The following DGKD variants were observed in gnomAD, a reference collection of about 807,000 sequenced individuals.
DGKD encodes the protein DAG kinase delta.
A neutral mutation model predicts 154.4 loss-of-function variants in DGKD; 68 were observed. That is an observed-to-expected ratio of 0.44 (90% CI 0.36 to 0.54). DGKD has a LOEUF of 0.54. Among genes scored for constraint, DGKD ranks in the 20% least tolerant of loss-of-function variants. The probability of loss-of-function intolerance (pLI) is 0.00; values close to 1 mark genes in which losing one functional copy is unlikely to be tolerated. For synonymous variants in DGKD, 693 were observed against 638.0 expected (o/e 1.09, Z -1.30); for missense variants, 1,343 against 1,593.6 (o/e 0.84, Z 2.68).
chr2:233,378,929 G>C (rs1702735040), intron 1 of DGKD, among the ~76,000 whole-genome samples: 1 of 152,222 alleles, frequency 6.6e-6, no homozygotes, highest in African/African-American at 2.4e-5. Flanking sequence ...TACTTGGGAG[G>C]CTGAGATGGG....
At chr2:233,359,458 C>T (rs1013006437) in intron 1 of DGKD, among the ~76,000 whole-genome samples, 2 of 150,924 alleles carry the variant, frequency 1.3e-5, no homozygotes, top group African/African-American at 4.9e-5. Flanking sequence ...TAAATGATCA[C>T]TAAATGGTTG....
At chr2:233,447,494 A>G in intron 12 of DGKD, 2 of 985,220 alleles carry the variant, frequency 2.0e-6, no homozygotes, top group East Asian at 1.1e-4. Flanking sequence ...ACTGGTTTGT[A>G]CATTTTTTAT....
At chr2:233,437,611 G>A in intron 8 of DGKD, 132 bp downstream of exon 8, 2 of 888,166 alleles carry the variant, frequency 2.3e-6, no homozygotes, top group South Asian at 1.6e-5. Flanking sequence ...AGCTGTTGGG[G>A]GTGCTGGAGG....
chr2:233,394,415 A>G (rs1054398526), intron 3 of DGKD, among the ~76,000 whole-genome samples: 3 of 151,620 alleles, frequency 2.0e-5, no homozygotes, highest in African/African-American at 7.3e-5. Context: ...GCTAATTTTT[A>G]CATTTTTTTG....
At chr2:233,356,406 C>G (rs1431673170) in intron 1 of DGKD, among the ~76,000 whole-genome samples, 3 of 152,066 alleles carry the variant, frequency 2.0e-5, no homozygotes, top group Admixed American at 2.0e-4. Flanking sequence ...ATCAGATGTG[C>G]TTTTGGGAAG....
chr2:233,425,838 G>T (rs1490412412), intron 3 of DGKD, among the ~76,000 whole-genome samples: 1 of 152,184 alleles, frequency 6.6e-6, no homozygotes, highest in Non-Finnish European at 1.5e-5. Flanking sequence ...TGTCTTTATA[G>T]TGAATGCCGC....
chr2:233,362,222 A>T (rs936608264), intron 1 of DGKD, among the ~76,000 whole-genome samples: 3 of 152,344 alleles, frequency 2.0e-5, no homozygotes, highest in Non-Finnish European at 2.9e-5. Flanking sequence ...GAAAATACCC[A>T]CAAGGAAGCC....
Position 233,452,489 on chromosome 2 carries a change from C to G in DGKD, c.2264+429C>G, listed in dbSNP as rs1227186742. ...CCTTCCCTCTGCTTTCCTCTAACAC[C>G]TGCTCTCCTTGTTGGTGATGCAGAA... On this transcript the variant is annotated intron_variant, in intron 18 of 29. Coordinates refer to ENST00000264057, the MANE Select transcript of DGKD (RefSeq NM_152879.3). This position sits in a 1 kb window ranked among gnomAD's most constrained non-coding sequence, Gnocchi z 4.0. Among the ~76,000 whole-genome samples the G allele has an allele frequency of 6.6e-6, 1 of 152,146 alleles. No individual in the cohort carries two copies. Among genetic ancestry groups the G allele is most frequent in the Non-Finnish European group, 1.5e-5 (1 of 68,018 alleles).
In DGKD at chr2:233,449,132, C is replaced by G. The variant is rs752454929; in HGVS notation, c.1644C>G (p.Ser548=). The part of the protein sequence containing the change: ...KCSVLKEKLD[S]LLKTLDDESQ... ...CTGTCCTGAAAGAGAAGCTGGATTC[C>G]CTTCTCAAGACCTTGGACGATGAGT... Residue 548 remains serine (S), a synonymous_variant, in exon 15 of 30, where the codon TCC becomes TCG. Coordinates refer to ENST00000264057, the MANE Select transcript of DGKD (RefSeq NM_152879.3). This position sits in a 1 kb window ranked among gnomAD's most constrained non-coding sequence, Gnocchi z 5.3. 6.2e-7 allele frequency: 1 copy of G among 1,601,182 alleles called. No homozygotes were observed.
Position 233,469,821 on chromosome 2 carries a change from A to C in DGKD, c.*361A>C. On this transcript the variant is annotated 3_prime_UTR_variant, in exon 30 of 30. Coordinates refer to ENST00000264057, the MANE Select transcript of DGKD (RefSeq NM_152879.3). ...ACTGCTTGCCTGGCCTCGTGCTTGG[A>C]TTGTCCCGGGGGCTCCTCTCCGTGT... 4.3e-6 allele frequency: 1 copy of C among 235,042 alleles called. No homozygotes were observed. Among genetic ancestry groups the C allele is most frequent in the Non-Finnish European group, 8.3e-6 (1 of 119,834 alleles). The allele number at this position is 235,042 out of a possible 1,614,324, so 14.6% of individuals were successfully genotyped here.
intron 4 of DGKD, 82 bp from the exon 5 acceptor site, chr2:233,434,687 T>C (rs1559542856): frequency 6.4e-7 from 1 of 1,563,496 alleles, no homozygotes; most frequent in Non-Finnish European, 8.7e-7. Flanking sequence ...CTTGGATACT[T>C]TGTTTAATCT....
chr2:233,370,924 T>A (rs2125398541), intron 1 of DGKD, among the ~76,000 whole-genome samples: 1 of 152,132 alleles, frequency 6.6e-6, no homozygotes, highest in South Asian at 2.1e-4. Flanking sequence ...GCTAATTTTT[T>A]AATTTTTTGT....
chr2:233,410,364 T>G (rs2061797713), intron 3 of DGKD, among the ~76,000 whole-genome samples: 1 of 152,210 alleles, frequency 6.6e-6, no homozygotes, highest in South Asian at 2.1e-4. Flanking sequence ...ATCAAGGTCA[T>G]GGGCGCAGCT....
Position 233,446,702 on chromosome 2 carries a change from G to C in DGKD, c.1335-10G>C. The C allele has an allele frequency of 6.2e-7, 1 of 1,613,102 alleles. No homozygotes were observed. Among genetic ancestry groups the C allele is most frequent in the Non-Finnish European group, 8.5e-7 (1 of 1,179,802 alleles). ...TCTTGCCGCCTGTGCAGCTGACCTT[G>C]TGTGTGCAGGTGGAGCGTCATGGCA... is the stretch of plus-strand genomic sequence containing the variant. On this transcript the variant is annotated splice_polypyrimidine_tract_variant and intron_variant, in intron 11 of 29. Transcript: ENST00000264057.
At chr2:233,368,776 T>C (rs143308112) in intron 1 of DGKD, among the ~76,000 whole-genome samples, 29 of 152,360 alleles carry the variant, frequency 1.9e-4, no homozygotes, top group Middle Eastern at 3.4e-3. Context: ...TTTTTGATGC[T>C]AAAATTATCC....
At chr2:233,468,028 C>G (rs1368927478) in intron 28 of DGKD, among the ~76,000 whole-genome samples, 1 of 152,056 alleles carries the variant, frequency 6.6e-6, no homozygotes, top group Non-Finnish European at 1.5e-5. Flanking sequence ...GTGGTAAATC[C>G]CTCCTGGGAC....
At chr2:233,380,678 G>A (rs544328285) in intron 1 of DGKD, among the ~76,000 whole-genome samples, 69 of 150,828 alleles carry the variant, frequency 4.6e-4, no homozygotes, top group African/African-American at 1.5e-3. Flanking sequence ...GTGTGTGTGT[G>A]TGGGGGGGTG....
At chr2:233,430,202 C>T (rs1559536744) in intron 3 of DGKD, among the ~76,000 whole-genome samples, 2 of 152,218 alleles carry the variant, frequency 1.3e-5, no homozygotes, top group African/African-American at 4.8e-5. Flanking sequence ...TGCATTTACT[C>T]TTTGTCAGGG....
chr2:233,410,124 C>T (rs1367520324), intron 3 of DGKD, among the ~76,000 whole-genome samples: 2 of 152,070 alleles, frequency 1.3e-5, no homozygotes, highest in Non-Finnish European at 2.9e-5. Flanking sequence ...CTGGCCAATG[C>T]TGTTTTCTTT....
Sources: allele counts gnomAD v4.1 joint callset (sites outside exome capture counted in the v4.1 genomes callset), GRCh38; gene constraint gnomAD v4.1.1; non-coding constraint Gnocchi (gnomAD v3.1); transcripts MANE v1.5; gene names NCBI Gene and HGNC (gene_info 2026-07-23, HGNC 2026-07-21).